NECAB1: variants seen among roughly 807,000 people sequenced by gnomAD.
NECAB1 encodes N-terminal EF-hand calcium binding protein 1.
A neutral mutation model predicts 57.5 loss-of-function variants in NECAB1; 29 were observed. That is an observed-to-expected ratio of 0.50 (90% CI 0.38 to 0.69). The LOEUF (loss-of-function observed/expected upper bound fraction) is 0.69, where lower values mean the gene tolerates loss of function less well. NECAB1 is among the 30% of genes least tolerant of loss of function. The probability of loss-of-function intolerance (pLI) is 0.00; values close to 1 mark genes in which losing one functional copy is unlikely to be tolerated. For missense variants in NECAB1, 372 were observed against 413.8 expected (o/e 0.90, Z 0.88); for synonymous variants, 142 against 147.7 (o/e 0.96, Z 0.28).
chr8:90,825,851 A>G (rs1812214577), intron 3 of NECAB1, among the ~76,000 whole-genome samples: 1 of 151,890 alleles, frequency 6.6e-6, no homozygotes, highest in Admixed American at 6.6e-5. Flanking sequence ...ATGGGTAACT[A>G]TACTCAACAA....
At chr8:90,817,806 G>C (rs1218545468) in intron 2 of NECAB1, among the ~76,000 whole-genome samples, 1 of 151,682 alleles carries the variant, frequency 6.6e-6, no homozygotes, top group African/African-American at 2.4e-5. Flanking sequence ...TTGGTATTAG[G>C]CTAATGCTAG....
intron 3 of NECAB1, among the ~76,000 whole-genome samples, chr8:90,866,739 A>G (rs1042079868): frequency 7.2e-5 from 11 of 152,202 alleles, no homozygotes; most frequent in African/African-American, 2.4e-4. Flanking sequence ...CAATCATTAA[A>G]CAGTCAGGAA....
intron 5 of NECAB1, among the ~76,000 whole-genome samples, chr8:90,907,188 G>GAGAGAGAGAGGGAGAGA: frequency 7.0e-6 from 1 of 142,470 alleles, no homozygotes; most frequent in East Asian, 2.2e-4. Flanking sequence ...GAGAGAGAGA[G>GAGAGAGAGAGGGAGAGA]AATTAGTAGA....
chr8:90,885,102 C>CTCAGTTA (rs1193138859), intron 5 of NECAB1, among the ~76,000 whole-genome samples: 1 of 152,176 alleles, frequency 6.6e-6, no homozygotes, highest in Non-Finnish European at 1.5e-5. Flanking sequence ...GAGCCCTAAC[C>CTCAGTTA]CTTCTAATTC....
intron 3 of NECAB1, among the ~76,000 whole-genome samples, chr8:90,845,875 A>G (rs1812547533): frequency 6.6e-6 from 1 of 152,216 alleles, no homozygotes; most frequent in African/African-American, 2.4e-5. Context: ...TCTTCTTTGA[A>G]TATCATCTGT....
chr8:90,927,747 T>C (rs189318809), intron 7 of NECAB1, among the ~76,000 whole-genome samples: 86 of 149,312 alleles, frequency 5.8e-4, no homozygotes, highest in African/African-American at 2.1e-3. Flanking sequence ...ATAGAGTCCA[T>C]GTATATATAC....
chr8:90,848,490 A>C (rs748804958), intron 3 of NECAB1, among the ~76,000 whole-genome samples: 24 of 152,052 alleles, frequency 1.6e-4, no homozygotes, highest in Non-Finnish European at 2.2e-4. Flanking sequence ...GTACCAATTT[A>C]TTGTGTTAGT....
At position 90,791,958 on chromosome 8, in the gene NECAB1, G is replaced by A. The variant is rs1236016321; in HGVS notation, c.72G>A (p.Leu24=). 1.3e-6 allele frequency: 2 copies of A among 1,552,708 alleles called. 1 individual carries two copies. Among genetic ancestry groups the A allele is most frequent in the Admixed American group, 3.9e-5 (2 of 51,192 alleles). Residue 24 remains leucine, a synonymous_variant, in exon 1 of 13, where the codon CTG becomes CTA. Transcript: ENST00000417640. ...SSEELSSALH[L]SKGMSIFLDI... The stretch of plus-strand genomic sequence containing the variant: ...AGGAGCTCAGCTCTGCTCTGCACCT[G>A]TCCAAGGGCATGTCGATCTTCCTCG...
chr8:90,959,010 C>T lies in NECAB1; in HGVS notation c.*3498C>T, dbSNP rs1479451025. 1 of 1,411,074 alleles carries T rather than the reference C, an allele frequency of 7.1e-7. No homozygotes were observed. The highest frequency in any genetic ancestry group is 9.5e-7 in the Non-Finnish European group (1 of 1,057,164). 87.4% of individuals were successfully genotyped at this position (1,411,074 alleles called of 1,614,324 possible). On this transcript the variant is annotated 3_prime_UTR_variant, in exon 13 of 13. Coordinates refer to ENST00000417640, the MANE Select transcript of NECAB1 (RefSeq NM_022351.5). ...AAATTCATCTGTTCTTAAAATGCTA[C>T]TTAAAACTTTGGTTGTTTTCCTGTA...
chr8:90,799,389 A>G (rs1023648555), intron 1 of NECAB1, among the ~76,000 whole-genome samples: 1 of 152,050 alleles, frequency 6.6e-6, no homozygotes, highest in Non-Finnish European at 1.5e-5. Context: ...TTTTTTCTCA[A>G]TGTCAAGAAT....
At position 90,849,686 on chromosome 8, in the gene NECAB1, AT is replaced by A. The variant is rs34779201; in HGVS notation, c.234-22417del. ...TTTTTTATGTTTAAAGTTTCCAGTA[AT>A]TTTTTTTTTTTTTTTTTTTTTTTTG... On this transcript the variant is annotated intron_variant, in intron 3 of 12. Transcript: ENST00000417640. 8.3e-3 allele frequency among the ~76,000 whole-genome samples: 699 copies of A among 84,112 alleles called. 1 individual carries two copies. The highest frequency in any genetic ancestry group is 0.014 in the East Asian group (30 of 2,166). The allele number at this position is 84,112 out of a possible 152,430, so 55.2% of individuals were successfully genotyped here. A position where few individuals can be genotyped will look rare whatever the true frequency, so the allele number is the denominator to read the frequency against.
intron 1 of NECAB1, among the ~76,000 whole-genome samples, chr8:90,800,047 A>G (rs1469732527): frequency 6.6e-6 from 1 of 151,884 alleles, no homozygotes; most frequent in African/African-American, 2.4e-5. Flanking sequence ...ATTCCTAGGT[A>G]TTTTATTTTT....
intron 3 of NECAB1, among the ~76,000 whole-genome samples, chr8:90,844,721 C>T (rs1812523781): frequency 6.6e-6 from 1 of 152,192 alleles, no homozygotes; most frequent in Admixed American, 6.5e-5. Context: ...CACTTTCTCC[C>T]TTGTTCTAGG....
intron 5 of NECAB1, among the ~76,000 whole-genome samples, chr8:90,906,449 TC>T (rs1586110201): frequency 6.6e-6 from 1 of 152,258 alleles, no homozygotes; most frequent in East Asian, 1.9e-4. Context: ...CCTTGACTCA[TC>T]CTCTGTTCTT....
intron 2 of NECAB1, among the ~76,000 whole-genome samples, chr8:90,810,728 G>A (rs1471317912): frequency 2.0e-5 from 3 of 152,114 alleles, no homozygotes; most frequent in Admixed American, 1.3e-4. Flanking sequence ...AAAATTTTAC[G>A]TTACTAGGAA....
rs901391594 is a variant in NECAB1, at chr8:90,957,766, T to G, written c.*2254T>G. The G allele has an allele frequency of 6.7e-6, 1 of 150,064 alleles. No individual in the cohort carries two copies. The highest frequency in any genetic ancestry group is 6.6e-5 in the Admixed American group (1 of 15,052). The allele number at this position is 150,064 out of a possible 1,614,324, so 9.3% of individuals were successfully genotyped here. On this transcript the variant is annotated 3_prime_UTR_variant, in exon 13 of 13. Transcript: ENST00000417640. ...TCTCATCCTAAAGTAAACAATAAGT[T>G]TATAGTTAACGAAGATTTTTTTCTA...
At chr8:90,831,634 C>T (rs1812300082) in intron 3 of NECAB1, among the ~76,000 whole-genome samples, 2 of 152,122 alleles carry the variant, frequency 1.3e-5, no homozygotes, top group Admixed American at 1.3e-4. Flanking sequence ...CCTCGCCCTT[C>T]CTGACCATCT....
chr8:90,936,634 G>A (rs565502584), intron 9 of NECAB1, among the ~76,000 whole-genome samples: 1 of 152,152 alleles, frequency 6.6e-6, no homozygotes, highest in African/African-American at 2.4e-5. Context: ...GTGGATGAAT[G>A]GATGATTGTT....
intron 3 of NECAB1, among the ~76,000 whole-genome samples, chr8:90,853,638 G>A (rs1010599530): frequency 6.6e-6 from 1 of 152,046 alleles, no homozygotes; most frequent in Non-Finnish European, 1.5e-5. Flanking sequence ...TATTTGGAGA[G>A]AATACAATAT....
Sources: allele counts gnomAD v4.1 joint callset (sites outside exome capture counted in the v4.1 genomes callset), GRCh38; gene constraint gnomAD v4.1.1; transcripts MANE v1.5; gene names NCBI Gene and HGNC (gene_info 2026-07-23, HGNC 2026-07-21).